The following IL7 variants were observed in gnomAD, a reference collection of about 807,000 sequenced individuals.
IL7 encodes the protein interleukin 7.
Under a neutral mutation model 21.6 loss-of-function variants are expected in IL7, and 3 were observed. The observed-to-expected ratio is 0.14, with a 90% CI of 0.06 to 0.36. The LOEUF (loss-of-function observed/expected upper bound fraction) is 0.36. Ranked by LOEUF, IL7 falls within the 10% of genes least tolerant of loss-of-function variation. The pLI, the probability that IL7 is intolerant of heterozygous loss-of-function variation, is 1.00. For synonymous variants in IL7, 62 were observed against 68.1 expected (o/e 0.91, Z 0.44); for missense variants, 175 against 200.2 (o/e 0.87, Z 0.76).
At chr8:78,693,046 A>G (rs1379583724) in intron 3 of IL7, among the ~76,000 whole-genome samples, 1 of 151,788 alleles carries the variant, frequency 6.6e-6, no homozygotes, top group African/African-American at 2.4e-5. Context: ...CCATGTCCCT[A>G]CAAAGGACAT....
chr8:78,686,633 A>T (rs373007696), intron 3 of IL7: 1 of 1,447,694 alleles, frequency 6.9e-7, no homozygotes, highest in South Asian at 1.7e-5. Context: ...GTTGACAGAA[A>T]TGTTCATGTG....
chr8:78,699,214 A>AT (rs1810523863), intron 3 of IL7, among the ~76,000 whole-genome samples: 1 of 151,948 alleles, frequency 6.6e-6, no homozygotes, highest in Admixed American at 6.6e-5. Context: ...CCTTTTTTAT[A>AT]TTTTTCTACT....
downstream of IL7, among the ~76,000 whole-genome samples, chr8:78,730,682 C>G (rs1304416545): frequency 6.6e-6 from 1 of 151,954 alleles, no homozygotes; most frequent in East Asian, 1.9e-4. Context: ...TTCCTGTAGA[C>G]TTGCTAACTA....
intron 2 of IL7, among the ~76,000 whole-genome samples, chr8:78,746,641 C>T (rs1811987524): frequency 6.6e-6 from 1 of 152,168 alleles, no homozygotes; most frequent in East Asian, 1.9e-4. Context: ...TGTTAAAACT[C>T]CCATACAGCT....
chr8:78,743,239 C>T (rs1000949499), intron 2 of IL7, among the ~76,000 whole-genome samples: 1 of 152,014 alleles, frequency 6.6e-6, no homozygotes, highest in Admixed American at 6.6e-5. Context: ...ATTTATATTC[C>T]CTTGGTTATA....
At chr8:78,736,369 T>C (rs1811596732) in intron 5 of IL7, 105 bp downstream of exon 5, 1 of 649,136 alleles carries the variant, frequency 1.5e-6, no homozygotes, top group Non-Finnish European at 2.5e-6. Context: ...TAATAAATTA[T>C]TTCAAAACCA....
intron 4 of IL7, among the ~76,000 whole-genome samples, chr8:78,681,620 C>G (rs1450238380): frequency 1.3e-5 from 2 of 151,994 alleles, no homozygotes; most frequent in Admixed American, 6.6e-5. Flanking sequence ...AATATTGATG[C>G]TAGATTTTTC....
At chr8:78,675,430 A>C (rs1443385534), downstream of IL7, among the ~76,000 whole-genome samples, 1 of 152,028 alleles carries the variant, frequency 6.6e-6, no homozygotes, top group Non-Finnish European at 1.5e-5. Flanking sequence ...CTTGGAAATT[A>C]ATAAGATAAA....
At position 78,721,147 on chromosome 8, in the gene IL7, A is replaced by G. The variant is rs922323374; in HGVS notation, n.361-12T>C. 4 of 152,194 alleles carry G rather than the reference A, an allele frequency of 2.6e-5. No individual in the cohort carries two copies. The East Asian group carries it at 5.8e-4, about 22-fold the overall frequency. 9.4% of individuals were successfully genotyped at this position (152,194 alleles called of 1,614,324 possible). A position where few individuals can be genotyped will look rare whatever the true frequency, so the allele number is the denominator to read the frequency against. ...GGAGAAACTGATACCTAAACAGACA[A>G]TTACAACATGGGACAAAAATAAGTG... On this transcript the variant is annotated splice_polypyrimidine_tract_variant and intron_variant and non_coding_transcript_variant, in intron 4 of 6. Coordinates refer to the IL7 transcript ENST00000519833.
At chr8:78,754,726 GAA>G in intron 2 of IL7, among the ~76,000 whole-genome samples, 1 of 152,086 alleles carries the variant, frequency 6.6e-6, no homozygotes, top group Non-Finnish European at 1.5e-5. Context: ...TATATATTCT[GAA>G]AATTAATCCC....
intron 3 of IL7, among the ~76,000 whole-genome samples, chr8:78,693,973 C>T (rs923133491): frequency 2.0e-5 from 3 of 152,124 alleles, no homozygotes; most frequent in Non-Finnish European, 4.4e-5. Context: ...TTCCCAGCAC[C>T]ATTTATTAAA....
intron 2 of IL7, among the ~76,000 whole-genome samples, chr8:78,742,263 G>T (rs1302062637): frequency 6.6e-6 from 1 of 152,110 alleles, no homozygotes; most frequent in Admixed American, 6.6e-5. Context: ...GGCGGAGCTT[G>T]CAGTGAGCTG....
Position 78,778,188 on chromosome 8 carries a change from T to C in IL7, c.147+19884A>G, listed in dbSNP as rs1449806928. On this transcript the variant is annotated intron_variant, in intron 2 of 5. Coordinates refer to ENST00000263851, the MANE Select transcript of IL7 (RefSeq NM_000880.4). Reference sequence around the variant, plus strand: ...CTGGTCTTTTTTATACCTGTGCTCATTATTTAACAGCTTGCACACAATCTT... The same window carrying C: ...CTGGTCTTTTTTATACCTGTGCTCACTATTTAACAGCTTGCACACAATCTT... Among the ~76,000 whole-genome samples, 4 of 152,136 alleles carry C rather than the reference T, an allele frequency of 2.6e-5. No homozygotes were observed. In the East Asian group the frequency reaches 7.7e-4, roughly 29 times the overall value.
At chr8:78,747,515 A>T (rs1021696031) in intron 2 of IL7, among the ~76,000 whole-genome samples, 24 of 152,204 alleles carry the variant, frequency 1.6e-4, no homozygotes, top group African/African-American at 5.3e-4. Context: ...GCCTTTTAAA[A>T]TGCGCTGCTT....
chr8:78,712,687 GAA>G (rs1241573787), intron 3 of IL7, among the ~76,000 whole-genome samples: 1 of 152,158 alleles, frequency 6.6e-6, no homozygotes, highest in Non-Finnish European at 1.5e-5. Context: ...CTGGCTGGCT[GAA>G]AAGAGTGTGT....
At chr8:78,762,438 C>A in intron 2 of IL7, 1 of 1,578,352 alleles carries the variant, frequency 6.3e-7, no homozygotes, top group Non-Finnish European at 8.6e-7. Context: ...GCATCGTCGC[C>A]CGCCCGCCGG....
chr8:78,794,294 A>G (rs1344912617), intron 2 of IL7, among the ~76,000 whole-genome samples: 1 of 152,166 alleles, frequency 6.6e-6, no homozygotes, highest in African/African-American at 2.4e-5. Context: ...GGCTTAAAAA[A>G]TAAGGCTTGA....
At chr8:78,724,750 A>C (rs1811310738) in intron 3 of IL7, among the ~76,000 whole-genome samples, 1 of 152,000 alleles carries the variant, frequency 6.6e-6, no homozygotes, top group Non-Finnish European at 1.5e-5. Flanking sequence ...ACCCTCTCTG[A>C]GGCAGTCTAT....
intron 2 of IL7, among the ~76,000 whole-genome samples, chr8:78,780,300 C>G (rs1010434345): frequency 6.6e-6 from 1 of 152,016 alleles, no homozygotes; most frequent in Non-Finnish European, 1.5e-5. Context: ...CCTTGGTTCT[C>G]TAGTTCTTTT....
Sources: gnomAD v4.1 joint callset for allele counts (sites outside exome capture counted in the v4.1 genomes callset) on GRCh38, gnomAD v4.1.1 for gene constraint, MANE v1.5 for transcripts, NCBI Gene and HGNC (gene_info 2026-07-23, HGNC 2026-07-21) for gene names.